Variants in SH3BP5 observed in about 807,000 individuals in gnomAD.
SH3BP5 encodes the protein SH3 domain-binding protein 5.
In SH3BP5, 22 loss-of-function variants were observed where a neutral mutation model predicts 43.3. That is an observed-to-expected ratio of 0.51 (90% CI 0.36 to 0.73). The LOEUF (loss-of-function observed/expected upper bound fraction) is 0.73. Among genes scored for constraint, SH3BP5 ranks in the 30% least tolerant of loss-of-function variants. SH3BP5 has a pLI of 0.00. For missense variants in SH3BP5, 529 were observed against 586.9 expected (o/e 0.90, Z 1.02); for synonymous variants, 255 against 225.8 (o/e 1.13, Z -1.16).
At chr3:15,304,278 G>T (rs1210216123) in intron 2 of SH3BP5, 47 bp from the exon 3 acceptor site, 7 of 1,613,326 alleles carry the variant, frequency 4.3e-6, no homozygotes, top group African/African-American at 2.7e-5. Flanking sequence ...CTTAAGAAGG[G>T]ATCTGCAAAC....
intron 2 of SH3BP5, among the ~76,000 whole-genome samples, chr3:15,310,231 G>C (rs1397959337): frequency 6.6e-6 from 1 of 152,194 alleles, no homozygotes; most frequent in Non-Finnish European, 1.5e-5. Flanking sequence ...TCTTCCACTT[G>C]AGATGTTTAA....
chr3:15,293,305 C>T (rs538285398), intron 3 of SH3BP5, among the ~76,000 whole-genome samples: 10 of 152,356 alleles, frequency 6.6e-5, no homozygotes, highest in Admixed American at 1.3e-4. Flanking sequence ...CAGGGAAGAA[C>T]GTCACTGAGC....
Position 15,284,444 on chromosome 3 carries a change from C to T in SH3BP5, c.331-14567G>A, listed in dbSNP as rs549363560. On this transcript the variant is annotated intron_variant, in intron 3 of 8. Transcript: ENST00000383791. ...CAATGTCAAACTTTCATAAGCTAATCCTGGGTGCTACTAGTCTCTATTTGG... is the reference window on the plus strand; with the variant it reads ...CAATGTCAAACTTTCATAAGCTAATTCTGGGTGCTACTAGTCTCTATTTGG... Among the ~76,000 whole-genome samples, 9 of 152,346 alleles carry T rather than the reference C, an allele frequency of 5.9e-5. No individual in the cohort carries two copies. The East Asian group carries it at 1.5e-3, about 26-fold the overall frequency.
intron 3 of SH3BP5, among the ~76,000 whole-genome samples, chr3:15,279,040 GGCACCTATAATCCCA>G (rs1697047786): frequency 6.6e-6 from 1 of 152,088 alleles, no homozygotes; most frequent in Non-Finnish European, 1.5e-5. Context: ...CCTGGTGGCA[GGCACCTATAATCCCA>G]GCTACTCAGG....
At chr3:15,287,427 C>T (rs1326690727) in intron 3 of SH3BP5, among the ~76,000 whole-genome samples, 4 of 152,130 alleles carry the variant, frequency 2.6e-5, no homozygotes, top group Non-Finnish European at 5.9e-5. Context: ...GTTACATTGA[C>T]TTGTGCCTTC....
chr3:15,273,630 G>C (rs184577277), intron 3 of SH3BP5, among the ~76,000 whole-genome samples: 1 of 152,100 alleles, frequency 6.6e-6, no homozygotes, highest in Non-Finnish European at 1.5e-5. Flanking sequence ...TGCACTTACC[G>C]GTTCATTCAC....
intron 5 of SH3BP5, chr3:15,260,507 G>A (rs1413379883): frequency 6.6e-6 from 1 of 152,622 alleles, no homozygotes; most frequent in Non-Finnish European, 1.5e-5. Context: ...TTCTTGAGCT[G>A]TTCACCCTCC....
intron 2 of SH3BP5, among the ~76,000 whole-genome samples, chr3:15,309,431 G>C (rs1697994300): frequency 6.6e-6 from 1 of 152,108 alleles, no homozygotes; most frequent in Non-Finnish European, 1.5e-5. Flanking sequence ...GAGTATGGTG[G>C]CTATTCACAG....
Position 15,257,081 on chromosome 3 carries a change from T to C in SH3BP5, c.922A>G (p.Ser308Gly), listed in dbSNP as rs201659262. ...ASEAFEDDSC[S>G]NFVSEDDSET... ...GAGTCATCTTCAGACACAAAGTTGC[T>C]ACAGCTGTCATCTTCAAAGGCCTCC... The change falls in exon 8 of 9, where the codon AGC becomes GGC. Residue 308 changes from serine to glycine, a missense_variant. Around this residue, in one of 3 missense-constraint regions of SH3BP5, gnomAD observed 369 missense variants for 384.3 expected, o/e 0.96. Transcript: ENST00000383791. 9.3e-6 allele frequency: 15 copies of C among 1,614,192 alleles called. No homozygotes were observed. In the East Asian group the frequency reaches 3.3e-4, roughly 36 times the overall value.
At chr3:15,324,534 C>G (rs918391600) in intron 2 of SH3BP5, among the ~76,000 whole-genome samples, 1 of 152,188 alleles carries the variant, frequency 6.6e-6, no homozygotes, top group Non-Finnish European at 1.5e-5. Flanking sequence ...GACCGGGCAG[C>G]CTGCCACCAG....
rs1189187279 is a variant in SH3BP5, at chr3:15,259,396, A to G, written c.670-346T>C. The G allele has an allele frequency of 1.8e-5, 9 of 512,946 alleles. No homozygotes were observed. In the East Asian group the frequency reaches 2.2e-4, roughly 12 times the overall value. The allele number at this position is 512,946 out of a possible 1,614,324, so 31.8% of individuals were successfully genotyped here. A position where few individuals can be genotyped will look rare whatever the true frequency, so the allele number is the denominator to read the frequency against. On this transcript the variant is annotated intron_variant, in intron 6 of 8. Transcript: ENST00000383791. ...GGTTCTCAAAGTTGAGCTTGCATCA[A>G]AATCCCCTTGGGTGTTAAGACTCAG...
intron 3 of SH3BP5, among the ~76,000 whole-genome samples, chr3:15,293,137 T>G (rs1697460511): frequency 6.6e-6 from 1 of 152,228 alleles, no homozygotes; most frequent in South Asian, 2.1e-4. Flanking sequence ...GAAGGAGAGT[T>G]AAGAGTCCAT....
At chr3:15,307,259 G>A (rs1398354490) in intron 2 of SH3BP5, among the ~76,000 whole-genome samples, 2 of 152,120 alleles carry the variant, frequency 1.3e-5, no homozygotes, top group Non-Finnish European at 2.9e-5. Context: ...ACCAGGCTTA[G>A]GGTCATCCGC....
chr3:15,266,366 G>A (rs572450116), intron 4 of SH3BP5, among the ~76,000 whole-genome samples: 2 of 152,342 alleles, frequency 1.3e-5, no homozygotes, highest in Middle Eastern at 3.4e-3. Context: ...CTGGCCCTGC[G>A]TCGTGTCCTC....
At chr3:15,330,418 C>T (rs1698580930) in intron 2 of SH3BP5, 86 bp downstream of exon 2, 2 of 1,121,058 alleles carry the variant, frequency 1.8e-6, no homozygotes, top group Admixed American at 3.6e-5. Flanking sequence ...AGCAATAACA[C>T]TCCAGCTATG....
intron 2 of SH3BP5, among the ~76,000 whole-genome samples, chr3:15,326,523 C>T (rs1180882240): frequency 1.3e-5 from 2 of 152,172 alleles, no homozygotes; most frequent in East Asian, 3.8e-4. Context: ...GAATACCTTC[C>T]CCTGGGGGCC....
intron 3 of SH3BP5, among the ~76,000 whole-genome samples, chr3:15,274,460 G>A (rs1253655999): frequency 6.6e-6 from 1 of 152,110 alleles, no homozygotes; most frequent in Non-Finnish European, 1.5e-5. Flanking sequence ...CTTGGATCCT[G>A]GGTGCGGGGA....
rs563566610 is a variant in SH3BP5, at chr3:15,295,125, C to T, written c.330+8978G>A. Among the ~76,000 whole-genome samples the T allele has an allele frequency of 1.3e-4, 20 of 152,300 alleles. No individual in the cohort carries two copies. The South Asian group carries it at 3.1e-3, about 24-fold the overall frequency. On this transcript the variant is annotated intron_variant, in intron 3 of 8. Transcript: ENST00000383791. ...ACAGTGACACACTCCCTAGCTTCTT[C>T]CCTTTGCCATCTACATCAGAGCCAC...
At chr3:15,321,626 C>A (rs1698328057) in intron 2 of SH3BP5, among the ~76,000 whole-genome samples, 1 of 129,396 alleles carries the variant, frequency 7.7e-6, no homozygotes, top group African/African-American at 3.4e-5. Flanking sequence ...AACTAAAAAT[C>A]ACCAGCATCC....
Sources: gnomAD v4.1 joint callset for allele counts (sites outside exome capture counted in the v4.1 genomes callset) on GRCh38, gnomAD v4.1.1 for gene constraint, gnomAD v4.1.1 regional missense constraint, MANE v1.5 for transcripts, NCBI Gene and HGNC (gene_info 2026-07-23, HGNC 2026-07-21) for gene names.